RANGAP1: variants seen among roughly 807,000 people sequenced by gnomAD.
RANGAP1 encodes ran GTPase-activating protein 1.
In RANGAP1, 38 loss-of-function variants were observed where a neutral mutation model predicts 63.5. The ratio of observed to expected loss-of-function variants is 0.60; its 90% CI spans 0.46 to 0.78. The LOEUF (loss-of-function observed/expected upper bound fraction) is 0.78, where lower values mean the gene tolerates loss of function less well. RANGAP1 is among the 30% of genes least tolerant of loss of function. RANGAP1 has a pLI of 0.00. For synonymous variants in RANGAP1, 329 were observed against 310.5 expected, an observed-to-expected ratio of 1.06 and a Z score of -0.63; for missense variants, 630 against 740.3, an observed-to-expected ratio of 0.85 and a Z score of 1.73.
chr22:41,285,572 CG>C, intron 1 of RANGAP1: 4 of 985,478 alleles, frequency 4.1e-6, no homozygotes, highest in Non-Finnish European at 4.8e-6. Flanking sequence ...GGCGCCAGCC[CG>C]GGGCCCCCGC....
chr22:41,262,535 T>C (rs528747069), intron 5 of RANGAP1, among the ~76,000 whole-genome samples: 87 of 152,284 alleles, frequency 5.7e-4, no homozygotes, highest in African/African-American at 2.0e-3. Context: ...CGGTAAGTAT[T>C]TAGCAAAGCC....
At chr22:41,254,985 A>AC (rs1360422256) in intron 10 of RANGAP1, among the ~76,000 whole-genome samples, 1 of 149,770 alleles carries the variant, frequency 6.7e-6, no homozygotes, top group Non-Finnish European at 1.5e-5. Context: ...CAAAAAAACA[A>AC]AAAAAAAAAA....
At chr22:41,270,323 T>A (rs2034728544) in intron 3 of RANGAP1, among the ~76,000 whole-genome samples, 1 of 151,700 alleles carries the variant, frequency 6.6e-6, no homozygotes, top group Non-Finnish European at 1.5e-5. Context: ...ATATATTTTT[T>A]AAGTAGAGAT....
rs190916318 is a variant in RANGAP1 at position 41,250,673 on chromosome 22, G to C, written c.1483+334C>G. 2.5e-4 allele frequency among the ~76,000 whole-genome samples: 38 copies of C among 152,286 alleles called. No homozygotes were observed. In the Middle Eastern group the frequency reaches 0.01, roughly 41 times the overall value. On this transcript the variant is annotated intron_variant, in intron 13 of 15. Transcript: ENST00000356244. The stretch of plus-strand genomic sequence containing the variant: ...CACAGAAGCTCCAAGGTGTGGACAA[G>C]GGCTTGGCTCTCACCATCCCTCCTC...
intron 1 of RANGAP1, chr22:41,284,872 A>G (rs2035676215): frequency 6.6e-6 from 1 of 152,268 alleles, no homozygotes; most frequent in Admixed American, 6.5e-5. Context: ...TAAATTAACC[A>G]GAAACCAGCC....
chr22:41,275,499 AG>A lies in RANGAP1; in HGVS notation c.113-773del, dbSNP rs2035082541. Among the ~76,000 whole-genome samples, 4 of 150,834 alleles carry A rather than the reference AG, an allele frequency of 2.7e-5. No homozygotes were observed. In the South Asian group the frequency reaches 8.4e-4, roughly 32 times the overall value. On this transcript the variant is annotated intron_variant, in intron 2 of 15. Coordinates refer to ENST00000356244, the MANE Select transcript of RANGAP1 (RefSeq NM_002883.4). ...ACAGCAAGACTCCATCTTAAAAAAA[AG>A]TCAGGCATGGTGGCATACGCCTGTA...
At chr22:41,255,929 G>A in intron 10 of RANGAP1, 92 bp downstream of exon 10, 1 of 1,309,702 alleles carries the variant, frequency 7.6e-7, no homozygotes. Flanking sequence ...ACTTTAGCCT[G>A]GGGAACAGAG....
At chr22:41,261,762 G>T (rs2034182522) in intron 5 of RANGAP1, among the ~76,000 whole-genome samples, 182 bp from the exon 6 acceptor site, 1 of 151,938 alleles carries the variant, frequency 6.6e-6, no homozygotes, top group Non-Finnish European at 1.5e-5. Flanking sequence ...AGTTACACAA[G>T]GTTTTTATCT....
intron 4 of RANGAP1, among the ~76,000 whole-genome samples, chr22:41,265,101 T>C (rs980551223): frequency 2.0e-5 from 3 of 152,072 alleles, no homozygotes; most frequent in Non-Finnish European, 2.9e-5. Context: ...TTAGTCTGGA[T>C]GAGAATCAGC....
chr22:41,268,195 C>G lies in RANGAP1; in HGVS notation c.241-39G>C, dbSNP rs1167838046. ...AAGAGAAGAGTTAGCGGGAGAGAGA[C>G]CCCTGGAGGCCCATAGTGAAGCCTC... On this transcript the variant is annotated intron_variant, in intron 3 of 15. Coordinates refer to ENST00000356244, the MANE Select transcript of RANGAP1 (RefSeq NM_002883.4). 6 of 1,448,578 alleles carry G rather than the reference C, an allele frequency of 4.1e-6. No homozygotes were observed. The South Asian group carries it at 7.3e-5, about 18-fold the overall frequency. 89.7% of individuals were successfully genotyped at this position (1,448,578 alleles called of 1,614,324 possible). A position where few individuals can be genotyped will look rare whatever the true frequency, so the allele number is the denominator to read the frequency against.
At chr22:41,277,153 C>A (rs1353347268) in intron 2 of RANGAP1, among the ~76,000 whole-genome samples, 1 of 139,200 alleles carries the variant, frequency 7.2e-6, no homozygotes, top group African/African-American at 2.7e-5. Flanking sequence ...TCTCGGCTCA[C>A]TGCAAGCTCC....
the RANGAP1 span, among the ~76,000 whole-genome samples, chr22:41,293,259 A>G: frequency 6.6e-6 from 1 of 151,336 alleles, no homozygotes; most frequent in Non-Finnish European, 1.5e-5. Context: ...AAATTATACA[A>G]AAAGTTAACC....
At chr22:41,254,598 A>G (rs993100996) in intron 10 of RANGAP1, 104 bp from the exon 11 acceptor site, 57 of 1,486,952 alleles carry the variant, frequency 3.8e-5, no homozygotes, top group Non-Finnish European at 4.9e-5. Flanking sequence ...GCCAGGAGGG[A>G]GAGAGCCTGG....
intron 1 of RANGAP1, chr22:41,285,540 T>C (rs924508183): frequency 1.6e-4 from 157 of 985,340 alleles, no homozygotes; most frequent in Non-Finnish European, 1.8e-4. Context: ...CAGCAGTGAC[T>C]CACATCGATT....
At chr22:41,249,184 A>T in intron 15 of RANGAP1, 146 bp downstream of exon 15, 1 of 1,163,522 alleles carries the variant, frequency 8.6e-7, no homozygotes, top group Non-Finnish European at 1.2e-6. Flanking sequence ...CTGAGAGCCC[A>T]GGAGGCATGA....
the RANGAP1 span, among the ~76,000 whole-genome samples, chr22:41,293,098 G>A: frequency 6.6e-6 from 1 of 151,924 alleles, no homozygotes; most frequent in African/African-American, 2.4e-5. Flanking sequence ...AGCCAGGCGT[G>A]TTGGCGGGCG....
chr22:41,274,698 A>T lies in RANGAP1; in HGVS notation c.142T>A (p.Phe48Ile), dbSNP rs762827959. 4 of 1,614,192 alleles carry T rather than the reference A, an allele frequency of 2.5e-6. No individual in the cohort carries two copies. The Admixed American group carries it at 6.7e-5, about 27-fold the overall frequency. Residue 48 changes from phenylalanine (F) to isoleucine (I), a missense_variant, in exon 3 of 16, where the codon TTT (phenylalanine) becomes ATT (isoleucine). By Grantham distance (21) the Phe-to-Ile change is conservative (BLOSUM62 0). Coordinates refer to ENST00000356244, the MANE Select transcript of RANGAP1 (RefSeq NM_002883.4). ...AGACGCAGAGCCTCCAAGCTGTCAAAGTCTTCAATCTCTTTAATCACATCT... is the reference window on the plus strand; with the variant it reads ...AGACGCAGAGCCTCCAAGCTGTCAATGTCTTCAATCTCTTTAATCACATCT... ...AKDVIKEIED[F>I]DSLEALRLEG...
intron 10 of RANGAP1, among the ~76,000 whole-genome samples, chr22:41,254,852 G>A (rs983830089): frequency 6.6e-6 from 1 of 151,894 alleles, no homozygotes; most frequent in African/African-American, 2.4e-5. Flanking sequence ...GGCGCCTGTG[G>A]TCCCAGCTAC....
At chr22:41,298,376 G>A in the RANGAP1 span, among the ~76,000 whole-genome samples, 7 of 151,340 alleles carry the variant, frequency 4.6e-5, no homozygotes, top group East Asian at 2.0e-4. Flanking sequence ...GTGCAATGGC[G>A]CGATCTCGGC....
Sources: allele counts gnomAD v4.1 joint callset (sites outside exome capture counted in the v4.1 genomes callset), GRCh38; gene constraint gnomAD v4.1.1; transcripts MANE v1.5; gene names NCBI Gene and HGNC (gene_info 2026-07-23, HGNC 2026-07-21).